EDA: variants seen among roughly 807,000 people sequenced by gnomAD.
EDA encodes the protein ectodysplasin-A.
EDA carries 2 observed loss-of-function variants against 23.6 expected under a neutral mutation model. The ratio of observed to expected loss-of-function variants is 0.08; its 90% CI spans 0.03 to 0.27. EDA has a LOEUF of 0.27. Ranked by LOEUF, EDA falls within the 10% of genes least tolerant of loss-of-function variation. The pLI, the probability that EDA is intolerant of heterozygous loss-of-function variation, is 1.00. For synonymous variants in EDA, 131 were observed against 132.0 expected (o/e 0.99, Z 0.05); for missense variants, 229 against 324.2 (o/e 0.71, Z 2.26).
rs779206177 is a variant in EDA at position 70,025,326 on chromosome X, C to T, written c.526+2085C>T. Among the ~76,000 whole-genome samples, 4 of 111,420 alleles carry T rather than the reference C, an allele frequency of 3.6e-5. No homozygotes were observed. In the South Asian group the frequency reaches 1.5e-3, roughly 42 times the overall value. ...AGAACACCCTCTAGCTTGAAAATCACTGTTAGGCTTGGAAATCTTGGAACA... is the reference window on the plus strand; with the variant it reads ...AGAACACCCTCTAGCTTGAAAATCATTGTTAGGCTTGGAAATCTTGGAACA... On this transcript the variant is annotated intron_variant, in intron 3 of 7. Coordinates refer to ENST00000374552, the MANE Select transcript of EDA (RefSeq NM_001399.5).
intron 2 of EDA, among the ~76,000 whole-genome samples, chrX:70,021,839 ACT>A (rs1161504914): frequency 8.9e-6 from 1 of 111,949 alleles, no homozygotes; most frequent in African/African-American, 3.2e-5. Context: ...TCTGATGGCC[ACT>A]CTGGCAGCCC....
intron 1 of EDA, among the ~76,000 whole-genome samples, chrX:69,712,762 G>A (rs942502165): frequency 2.7e-5 from 3 of 111,334 alleles, no homozygotes; most frequent in African/African-American, 9.8e-5. Context: ...ACATGCACAT[G>A]CATGTTTATT....
At chrX:69,841,247 G>A (rs2016889615) in intron 1 of EDA, among the ~76,000 whole-genome samples, 1 of 111,936 alleles carries the variant, frequency 8.9e-6, no homozygotes, top group Non-Finnish European at 1.9e-5. Flanking sequence ...GTCAATAGTA[G>A]AGGAGAACAG....
At chrX:69,788,084 C>T (rs1178463316) in intron 1 of EDA, among the ~76,000 whole-genome samples, 20 of 111,403 alleles carry the variant, frequency 1.8e-4, no homozygotes, top group Non-Finnish European at 3.2e-4. Flanking sequence ...TTGATCACAT[C>T]GGCTCCTGAG....
chrX:69,763,750 G>A (rs986264152), intron 1 of EDA, among the ~76,000 whole-genome samples: 7 of 111,760 alleles, frequency 6.3e-5, no homozygotes, highest in Non-Finnish European at 1.3e-4. Flanking sequence ...TTTCCCCAGA[G>A]CAGCATGGTT....
intron 1 of EDA, among the ~76,000 whole-genome samples, chrX:69,703,427 C>T (rs930701473): frequency 2.7e-5 from 3 of 111,901 alleles, no homozygotes; most frequent in Non-Finnish European, 3.8e-5. Flanking sequence ...GAGCCCCTCC[C>T]GGTTTTCGGC....
intron 1 of EDA, among the ~76,000 whole-genome samples, chrX:69,917,494 G>A (rs748002675): frequency 3.6e-5 from 4 of 111,520 alleles, no homozygotes; most frequent in Non-Finnish European, 7.5e-5. Context: ...TAGAACCACA[G>A]TAAGCTTATA....
At chrX:70,015,033 G>T (rs1308233801) in intron 2 of EDA, among the ~76,000 whole-genome samples, 1 of 111,650 alleles carries the variant, frequency 9.0e-6, no homozygotes, top group Non-Finnish European at 1.9e-5. Context: ...AAACTCGCTA[G>T]AGAGGCCAAC....
chrX:69,625,181 A>G (rs777591114), intron 1 of EDA, among the ~76,000 whole-genome samples: 1 of 111,405 alleles, frequency 9.0e-6, no homozygotes, highest in East Asian at 2.8e-4. Context: ...ACAGGCACAT[A>G]TAATACAATT....
intron 1 of EDA, among the ~76,000 whole-genome samples, chrX:69,777,143 T>TGG (rs201146803): frequency 1.1e-3 from 106 of 99,068 alleles, no homozygotes; most frequent in South Asian, 1.9e-3. Flanking sequence ...TGATTCTGGG[T>TGG]TTTGTTGTTG....
intron 1 of EDA, among the ~76,000 whole-genome samples, chrX:69,792,711 C>T (rs749480702): frequency 5.4e-5 from 6 of 112,070 alleles, no homozygotes; most frequent in South Asian, 3.7e-4. Flanking sequence ...TTGCATTTCC[C>T]GGATAATTAG....
intron 1 of EDA, among the ~76,000 whole-genome samples, chrX:69,827,774 C>G (rs893672477): frequency 1.8e-5 from 2 of 111,926 alleles, no homozygotes; most frequent in African/African-American, 6.5e-5. Flanking sequence ...AGGAGAGGCG[C>G]TCTGCTTTTT....
chrX:69,934,360 C>T lies in EDA; in HGVS notation c.397-22667C>T, dbSNP rs2018642192. 2.7e-5 allele frequency among the ~76,000 whole-genome samples: 3 copies of T among 111,473 alleles called. No homozygotes were observed. In the Admixed American group the frequency reaches 2.9e-4, roughly 11 times the overall value. ...GGAAAATGATTAATATACAGATTTTCAATGAATTTCTCATATTTCATTTTC... is the reference window on the plus strand; with the variant it reads ...GGAAAATGATTAATATACAGATTTTTAATGAATTTCTCATATTTCATTTTC... On this transcript the variant is annotated intron_variant, in intron 1 of 7. Coordinates refer to ENST00000374552, the MANE Select transcript of EDA (RefSeq NM_001399.5).
intron 1 of EDA, 75 bp from the exon 2 acceptor site, chrX:69,956,952 T>G: frequency 1.1e-6 from 1 of 947,384 alleles, no homozygotes; most frequent in Non-Finnish European, 1.5e-6. Flanking sequence ...AGACTGTCTA[T>G]GGAAAGCTGG....
intron 1 of EDA, among the ~76,000 whole-genome samples, chrX:69,776,485 T>A (rs770953002): frequency 8.9e-6 from 1 of 111,812 alleles, no homozygotes; most frequent in African/African-American, 3.2e-5. Context: ...ATGTAAGACA[T>A]GCCTTTGCTC....
chrX:69,616,193 G>A lies in EDA; in HGVS notation c.-116G>A, dbSNP rs1005911769. The A allele has an allele frequency of 2.3e-6, 2 of 854,641 alleles. No homozygotes were observed. The highest frequency in any genetic ancestry group is 3.2e-6 in the Non-Finnish European group (2 of 623,749). 70.4% of individuals were successfully genotyped at this position (854,641 alleles called of 1,213,427 possible). On this transcript the variant is annotated 5_prime_UTR_variant, in exon 1 of 8. Transcript: ENST00000374552. ...CGCCCAGCCACTGTCGCGCAGGAAC[G>A]GGTCCCTGCAGCCCCCAGCCGATGG... is the stretch of plus-strand genomic sequence containing the variant.
intron 1 of EDA, among the ~76,000 whole-genome samples, chrX:69,803,380 T>G (rs1361614299): frequency 2.7e-5 from 3 of 110,882 alleles, no homozygotes; most frequent in African/African-American, 9.8e-5. Flanking sequence ...TAACTTTTAG[T>G]GTTTTTTAAA....
intron 1 of EDA, among the ~76,000 whole-genome samples, chrX:69,719,041 T>G (rs189656429): frequency 1.8e-5 from 2 of 111,693 alleles, no homozygotes; most frequent in Admixed American, 9.5e-5. Flanking sequence ...TTGTTGTTTC[T>G]GAGGAATTGG....
chrX:69,821,405 A>G (rs1411913143), intron 1 of EDA, among the ~76,000 whole-genome samples: 1 of 111,236 alleles, frequency 9.0e-6, no homozygotes, highest in African/African-American at 3.3e-5. Context: ...CTTAAAATAA[A>G]AGCTGAAGAA....
Sources: allele counts gnomAD v4.1 joint callset (sites outside exome capture counted in the v4.1 genomes callset), GRCh38; gene constraint gnomAD v4.1.1; transcripts MANE v1.5; gene names NCBI Gene and HGNC (gene_info 2026-07-23, HGNC 2026-07-21).